Variants in ADGRG6 observed in about 807,000 individuals in gnomAD.
ADGRG6 encodes the protein G-protein coupled receptor 126.
ADGRG6 carries 84 observed loss-of-function variants against 142.4 expected under a neutral mutation model. That is an observed-to-expected ratio of 0.59 (90% CI 0.49 to 0.71). The LOEUF is 0.71. Ranked by LOEUF, ADGRG6 falls within the 30% of genes least tolerant of loss-of-function variation. ADGRG6 has a pLI of 0.00. For synonymous variants in ADGRG6, 521 were observed against 520.5 expected (o/e 1.00, Z -0.01); for missense variants, 1,367 against 1,466.6 (o/e 0.93, Z 1.11).
Position 142,313,715 on chromosome 6 carries a change from T to C in ADGRG6, c.103+4071T>C, listed in dbSNP as rs757686699. 2.8e-4 allele frequency among the ~76,000 whole-genome samples: 42 copies of C among 150,696 alleles called. 1 individual carries two copies. The highest frequency in any genetic ancestry group is 6.0e-5 in the Non-Finnish European group (4 of 67,112). On this transcript the variant is annotated intron_variant, in intron 2 of 24. Transcript: ENST00000367609. ...TTTGTTTATGTGTTAATTTTTCTTA[T>C]CATAAAATGAACAGTTATTTAGTAG...
chr6:142,306,149 T>G (rs181826657), intron 1 of ADGRG6, among the ~76,000 whole-genome samples: 48 of 152,290 alleles, frequency 3.2e-4, no homozygotes, highest in Admixed American at 5.2e-4. Flanking sequence ...ATCGTATCAA[T>G]TTCTCCACTA....
chr6:142,403,697 A>G, intron 13 of ADGRG6, 105 bp from the exon 14 acceptor site: 1 of 688,152 alleles, frequency 1.5e-6, no homozygotes, highest in Non-Finnish European at 2.3e-6. Flanking sequence ...GAAAATCTAA[A>G]CACAATTTTA....
intron 11 of ADGRG6, among the ~76,000 whole-genome samples, 185 bp from the exon 12 acceptor site, chr6:142,401,809 A>G (rs528760976): frequency 2.0e-5 from 3 of 152,146 alleles, no homozygotes; most frequent in African/African-American, 4.8e-5. Context: ...GAACGTAGAC[A>G]TATAAACAGG....
intron 2 of ADGRG6, 100 bp downstream of exon 2, chr6:142,309,744 C>A (rs1334766729): frequency 1.5e-6 from 1 of 689,328 alleles, no homozygotes; most frequent in Non-Finnish European, 2.2e-6. Flanking sequence ...TTACTTACTG[C>A]CTTTTTTTTT....
At chr6:142,330,844 T>C (rs1779020244) in intron 2 of ADGRG6, among the ~76,000 whole-genome samples, 1 of 152,142 alleles carries the variant, frequency 6.6e-6, no homozygotes, top group African/African-American at 2.4e-5. Context: ...GAAAAATTGA[T>C]TTTCAATTTA....
chr6:142,335,829 C>T (rs1311169791), intron 2 of ADGRG6, among the ~76,000 whole-genome samples: 1 of 151,936 alleles, frequency 6.6e-6, no homozygotes, highest in Non-Finnish European at 1.5e-5. Flanking sequence ...AGAAGAAAAA[C>T]CAAGAGAATA....
intron 22 of ADGRG6, 147 bp from the exon 23 acceptor site, chr6:142,437,287 A>G: frequency 5.6e-6 from 3 of 533,410 alleles, no homozygotes. Flanking sequence ...TCTGCTACAT[A>G]CTGCAAGATT....
chr6:142,436,427 T>C (rs1777488736), intron 22 of ADGRG6, among the ~76,000 whole-genome samples: 1 of 152,082 alleles, frequency 6.6e-6, no homozygotes, highest in African/African-American at 2.4e-5. Context: ...ATATTGGAGT[T>C]GCCATCATTC....
chr6:142,439,224 G>C (rs1361245923), intron 24 of ADGRG6, among the ~76,000 whole-genome samples: 2 of 152,122 alleles, frequency 1.3e-5, no homozygotes, highest in Non-Finnish European at 1.5e-5. Context: ...GTTTTCAAAG[G>C]GAAATAATAG....
Position 142,445,405 on chromosome 6 carries a change from A to G in ADGRG6, c.*1890A>G, listed in dbSNP as rs1300051339. On this transcript the variant is annotated 3_prime_UTR_variant, in exon 25 of 25. Coordinates refer to ENST00000367609, the MANE Select transcript of ADGRG6 (RefSeq NM_198569.3). ...TGAATCTTAGTCACTGAATATTCAT[A>G]TACATTTCCCCCAAAACCTTAGACA... 6.6e-6 allele frequency: 1 copy of G among 152,136 alleles called. No homozygotes were observed. The highest frequency in any genetic ancestry group is 2.4e-5 in the African/African-American group (1 of 41,442). 9.4% of individuals were successfully genotyped at this position (152,136 alleles called of 1,614,324 possible).
chr6:142,343,993 T>C (rs1234702539), intron 2 of ADGRG6, among the ~76,000 whole-genome samples: 2 of 151,978 alleles, frequency 1.3e-5, no homozygotes, highest in Non-Finnish European at 2.9e-5. Flanking sequence ...CTAAATGAAA[T>C]GTATGAAATA....
chr6:142,402,565 A>G, intron 12 of ADGRG6, 55 bp from the exon 13 acceptor site: 1 of 899,498 alleles, frequency 1.1e-6, no homozygotes, highest in Non-Finnish European at 1.8e-6. Context: ...ATTCCTGGAA[A>G]TGCTCTAAAT....
At chr6:142,382,092 GT>G (rs1583065926) in intron 5 of ADGRG6, 73 bp downstream of exon 5, 3 of 858,292 alleles carry the variant, frequency 3.5e-6, no homozygotes, top group South Asian at 3.1e-5. Flanking sequence ...GGTTGTCATT[GT>G]TTTGATTTGT....
chr6:142,341,561 C>A (rs184272827), intron 2 of ADGRG6, among the ~76,000 whole-genome samples: 4,695 of 110,846 alleles, frequency 0.042, 217 homozygotes, highest in African/African-American at 0.13. Flanking sequence ...AGTATATATA[C>A]TATATAATAT....
intron 9 of ADGRG6, among the ~76,000 whole-genome samples, chr6:142,395,646 G>A (rs1166033400): frequency 1.3e-5 from 2 of 152,180 alleles, no homozygotes; most frequent in Non-Finnish European, 2.9e-5. Flanking sequence ...CTGAGACAGT[G>A]TATATAGCAA....
intron 2 of ADGRG6, among the ~76,000 whole-genome samples, chr6:142,331,161 G>A (rs1779039366): frequency 6.6e-6 from 1 of 151,648 alleles, no homozygotes; most frequent in Non-Finnish European, 1.5e-5. Context: ...TATCAAACTA[G>A]TGTTTTTCAG....
chr6:142,374,519 G>T (rs1781404427), intron 4 of ADGRG6, among the ~76,000 whole-genome samples: 1 of 152,326 alleles, frequency 6.6e-6, no homozygotes, highest in East Asian at 1.9e-4. Context: ...TGCTTTCAAA[G>T]GAGCTTCCCA....
intron 2 of ADGRG6, among the ~76,000 whole-genome samples, chr6:142,340,161 A>C (rs1460546701): frequency 6.6e-6 from 1 of 152,162 alleles, no homozygotes; most frequent in African/African-American, 2.4e-5. Context: ...AAAGGGGAAC[A>C]TTAGAAGTGG....
chr6:142,318,861 G>A (rs925344365), intron 2 of ADGRG6, among the ~76,000 whole-genome samples: 2 of 151,992 alleles, frequency 1.3e-5, no homozygotes, highest in African/African-American at 4.8e-5. Flanking sequence ...TGGGAGACCA[G>A]ACTGGAGGAT....
Sources: gnomAD v4.1 joint callset for allele counts (sites outside exome capture counted in the v4.1 genomes callset) on GRCh38, gnomAD v4.1.1 for gene constraint, MANE v1.5 for transcripts, NCBI Gene and HGNC (gene_info 2026-07-23, HGNC 2026-07-21) for gene names.